Variants in NAV2 observed in about 807,000 individuals in gnomAD.
NAV2 encodes helicase, APC down-regulated 1.
NAV2 carries 54 observed loss-of-function variants against 223.2 expected under a neutral mutation model. The observed-to-expected ratio is 0.24, with a 90% CI of 0.19 to 0.30. The LOEUF (loss-of-function observed/expected upper bound fraction) is 0.30. NAV2 is among the 10% of genes least tolerant of loss of function. The probability of loss-of-function intolerance (pLI) is 1.00; values close to 1 mark genes in which losing one functional copy is unlikely to be tolerated. For synonymous variants in NAV2, 1,279 were observed against 1,239.3 expected (o/e 1.03, Z -0.67); for missense variants, 2,806 against 3,147.5 (o/e 0.89, Z 2.60).
intron 1 of NAV2, among the ~76,000 whole-genome samples, chr11:19,451,696 G>A (rs1042879902): frequency 6.6e-6 from 1 of 152,236 alleles, no homozygotes; most frequent in Non-Finnish European, 1.5e-5. Context: ...TCCTGAGGAT[G>A]TTTTAGCTGG....
chr11:19,733,977 AAAGGTACTGTAATTAGCCCC>A (rs1158892945), intron 1 of NAV2, among the ~76,000 whole-genome samples: 2 of 152,124 alleles, frequency 1.3e-5, no homozygotes, highest in Non-Finnish European at 2.9e-5. Flanking sequence ...ATCTTATAGG[AAAGGTACTGTAATTAGCCCC>A]ATTTTTAGTT....
upstream of NAV2, among the ~76,000 whole-genome samples, chr11:19,708,202 C>T (rs150295449): frequency 2.7e-3 from 418 of 152,268 alleles, 1 homozygote; most frequent in African/African-American, 9.6e-3. Context: ...TCTTAAGGTT[C>T]TTACCTCACT....
At chr11:19,388,846 G>A (rs1049549731) in intron 1 of NAV2, among the ~76,000 whole-genome samples, 1 of 152,144 alleles carries the variant, frequency 6.6e-6, no homozygotes, top group Non-Finnish European at 1.5e-5. Flanking sequence ...CATCAAACAG[G>A]TGGTGTTCTC....
At chr11:19,749,611 C>T (rs1348560491) in intron 1 of NAV2, among the ~76,000 whole-genome samples, 1 of 152,098 alleles carries the variant, frequency 6.6e-6, no homozygotes, top group African/African-American at 2.4e-5. Context: ...ACAGGGATTA[C>T]CGAGATGGAA....
At chr11:19,628,862 G>A (rs1417755163) in intron 1 of NAV2, among the ~76,000 whole-genome samples, 1 of 152,132 alleles carries the variant, frequency 6.6e-6, no homozygotes, top group Non-Finnish European at 1.5e-5. Flanking sequence ...AATGGCTCAA[G>A]CTCTATCCCA....
At chr11:19,837,947 A>T (rs1447362938) in intron 2 of NAV2, among the ~76,000 whole-genome samples, 4 of 151,578 alleles carry the variant, frequency 2.6e-5, no homozygotes, top group Admixed American at 1.3e-4. Context: ...TTGGAAATAA[A>T]CACTAAGCAT....
At chr11:19,584,519 G>C (rs188033056) in intron 1 of NAV2, among the ~76,000 whole-genome samples, 1,619 of 152,268 alleles carry the variant, frequency 0.011, 45 homozygotes, top group African/African-American at 0.037. Flanking sequence ...GGCATTTAGT[G>C]CTATAAATTT....
intron 11 of NAV2, among the ~76,000 whole-genome samples, chr11:20,020,610 A>G (rs1446052536): frequency 6.6e-6 from 1 of 152,240 alleles, no homozygotes; most frequent in Non-Finnish European, 1.5e-5. Context: ...TTAACCATAG[A>G]AAGAAAACTA....
chr11:19,961,253 G>A (rs957786520), intron 10 of NAV2, among the ~76,000 whole-genome samples: 23 of 152,030 alleles, frequency 1.5e-4, no homozygotes, highest in Middle Eastern at 3.4e-3. Context: ...CCCGGCCCAC[G>A]TTTATTTTTA....
intron 1 of NAV2, among the ~76,000 whole-genome samples, chr11:19,624,982 G>A (rs968879713): frequency 5.3e-5 from 8 of 152,164 alleles, no homozygotes; most frequent in Admixed American, 6.5e-5. Context: ...ACATAGTGAT[G>A]TTTTGATACA....
At chr11:19,762,999 A>G (rs2054894967) in intron 1 of NAV2, among the ~76,000 whole-genome samples, 1 of 151,988 alleles carries the variant, frequency 6.6e-6, no homozygotes, top group South Asian at 2.1e-4. Context: ...ATTTTCCTTC[A>G]TACTTCTTAG....
Position 19,628,047 on chromosome 11 carries a change from A to G in NAV2, c.76-204437A>G, listed in dbSNP as rs137986522. The stretch of plus-strand genomic sequence containing the variant: ...TGGGCTGGCATGTGGCAAACACCCA[A>G]TAGATGATGGCTACTTTAATCACCA... On this transcript the variant is annotated intron_variant, in intron 1 of 37. Coordinates refer to the NAV2 transcript ENST00000360655. 9.0e-3 allele frequency among the ~76,000 whole-genome samples: 1,366 copies of G among 152,322 alleles called. 22 individuals are homozygous for G. The highest frequency in any genetic ancestry group is 0.031 in the African/African-American group (1,272 of 41,560).
intron 1 of NAV2, among the ~76,000 whole-genome samples, chr11:19,529,882 C>T (rs59411347): frequency 0.014 from 2,186 of 152,284 alleles, 53 homozygotes; most frequent in African/African-American, 0.049. Context: ...GAACACAAAG[C>T]GTCATTTTTC....
chr11:19,425,287 A>T (rs995381725), intron 1 of NAV2, among the ~76,000 whole-genome samples: 8 of 152,258 alleles, frequency 5.3e-5, no homozygotes, highest in Non-Finnish European at 1.2e-4. Context: ...AGAAGAGCAG[A>T]GCCAATCCAT....
At chr11:19,868,636 G>A (rs2062250696) in intron 3 of NAV2, among the ~76,000 whole-genome samples, 1 of 152,178 alleles carries the variant, frequency 6.6e-6, no homozygotes, top group African/African-American at 2.4e-5. Context: ...AACTGCTCAA[G>A]TTTTCAGGAT....
At position 19,724,150 on chromosome 11, in the gene NAV2, A is replaced by G. The variant is rs543512208; in HGVS notation, c.267+10188A>G. 2.6e-5 allele frequency among the ~76,000 whole-genome samples: 4 copies of G among 152,252 alleles called. No individual in the cohort carries two copies. In the East Asian group the frequency reaches 7.7e-4, roughly 29 times the overall value. ...CCATTGTACAGATGAAGAAACCATG[A>G]CCCAGAGAGGAGTGTGACTTGCCTC... On this transcript the variant is annotated intron_variant, in intron 1 of 37. Coordinates refer to ENST00000349880, the MANE Select transcript of NAV2 (RefSeq NM_145117.5).
chr11:19,766,138 A>G (rs1419559040), intron 1 of NAV2, among the ~76,000 whole-genome samples: 1 of 152,050 alleles, frequency 6.6e-6, no homozygotes. Flanking sequence ...TATATAATTA[A>G]TACATATAAG....
intron 1 of NAV2, among the ~76,000 whole-genome samples, chr11:19,808,272 G>A (rs1270685168): frequency 6.6e-6 from 1 of 152,180 alleles, no homozygotes; most frequent in African/African-American, 2.4e-5. Flanking sequence ...CAGCTGGAGA[G>A]GGGTTGCATC....
rs61011061 is a variant in NAV2, at chr11:19,571,713, GA to G, written c.75+220698del. On this transcript the variant is annotated intron_variant, in intron 1 of 37. Transcript: ENST00000360655. ...AAGAGCGAGACTCCATCTCAAAAAAGAAAAAAAAAAAAGAAAAGTTTAATTT... is the reference window on the plus strand; with the variant it reads ...AAGAGCGAGACTCCATCTCAAAAAAGAAAAAAAAAAAGAAAAGTTTAATTT... Among the ~76,000 whole-genome samples the G allele has an allele frequency of 2.1e-3, 275 of 128,602 alleles. 1 individual carries two copies. The highest frequency in any genetic ancestry group is 6.9e-3 in the African/African-American group (241 of 34,732). The allele number at this position is 128,602 out of a possible 152,430, so 84.4% of individuals were successfully genotyped here.
Sources: allele counts gnomAD v4.1 joint callset (sites outside exome capture counted in the v4.1 genomes callset), GRCh38; gene constraint gnomAD v4.1.1; transcripts MANE v1.5; gene names NCBI Gene and HGNC (gene_info 2026-07-23, HGNC 2026-07-21).